ADAM12: variants seen among roughly 807,000 people sequenced by gnomAD.
The protein encoded by ADAM12 is disintegrin and metalloproteinase domain-containing protein 12.
ADAM12 carries 70 observed loss-of-function variants against 106.4 expected under a neutral mutation model. The observed-to-expected ratio is 0.66, with a 90% confidence interval of 0.54 to 0.80. The LOEUF is 0.80. Among genes scored for constraint, ADAM12 ranks in the 30% least tolerant of loss-of-function variants. The pLI, the probability that ADAM12 is intolerant of heterozygous loss-of-function variation, is 0.00. For missense variants in ADAM12, 1,010 were observed against 1,171.9 expected (o/e 0.86, Z 2.02); for synonymous variants, 420 against 433.5 (o/e 0.97, Z 0.39).
At chr10:126,337,937 A>C (rs1000303268) in intron 1 of ADAM12, among the ~76,000 whole-genome samples, 1 of 152,250 alleles carries the variant, frequency 6.6e-6, no homozygotes, top group Non-Finnish European at 1.5e-5. Context: ...AAACTTAAAA[A>C]GATCCTTTGG....
intron 3 of ADAM12, among the ~76,000 whole-genome samples, chr10:126,223,047 T>G (rs1958125622): frequency 6.6e-6 from 1 of 152,216 alleles, no homozygotes; most frequent in Non-Finnish European, 1.5e-5. Flanking sequence ...CTCTGCCAAA[T>G]CTACTGAAAA....
At chr10:126,068,252 C>T (rs1954914066) in intron 12 of ADAM12, among the ~76,000 whole-genome samples, 1 of 152,276 alleles carries the variant, frequency 6.6e-6, no homozygotes, top group African/African-American at 2.4e-5. Context: ...CAAATGCACA[C>T]CACTGCTATC....
At chr10:126,104,681 C>G (rs11818574) in intron 8 of ADAM12, among the ~76,000 whole-genome samples, 7,525 of 152,118 alleles carry the variant, frequency 0.049, 645 homozygotes, top group African/African-American at 0.17. Flanking sequence ...TTCTCAGCGT[C>G]TGGCCTAGAA....
At chr10:126,063,718 G>A (rs540076412) in intron 14 of ADAM12, among the ~76,000 whole-genome samples, 7 of 152,272 alleles carry the variant, frequency 4.6e-5, no homozygotes, top group South Asian at 4.1e-4. Flanking sequence ...ACAGGGTGGG[G>A]CCTGCACTTG....
At chr10:126,042,902 C>G in intron 18 of ADAM12, 138 bp downstream of exon 18, 1 of 739,618 alleles carries the variant, frequency 1.4e-6, no homozygotes, top group South Asian at 1.9e-5. Flanking sequence ...CTGCGGGAGA[C>G]CCTAGGCTGT....
chr10:126,377,862 C>T (rs969973132), intron 1 of ADAM12, among the ~76,000 whole-genome samples: 2 of 152,090 alleles, frequency 1.3e-5, no homozygotes, highest in Non-Finnish European at 2.9e-5. Context: ...ACATGGATCT[C>T]ATACAAGAAA....
In ADAM12 at chr10:126,134,643, T is replaced by C. The variant is rs1038100167; in HGVS notation, c.416+941A>G. On this transcript the variant is annotated intron_variant, in intron 5 of 22. Transcript: ENST00000448723. ...CATTCTCTGCTGGCTGGAGTAGAAGTGAGGGCAGCAAAGAATAAACTGGTA... is the reference window on the plus strand; with the variant it reads ...CATTCTCTGCTGGCTGGAGTAGAAGCGAGGGCAGCAAAGAATAAACTGGTA... Among the ~76,000 whole-genome samples the C allele has an allele frequency of 2.6e-5, 4 of 152,198 alleles. No homozygotes were observed. The East Asian group carries it at 7.7e-4, about 29-fold the overall frequency.
rs1039097673 is a variant in ADAM12 at position 126,356,355 on chromosome 10, C to T, written c.89-25846G>A. Among the ~76,000 whole-genome samples, 2 of 152,184 alleles carry T rather than the reference C, an allele frequency of 1.3e-5. 1 individual carries two copies. The highest frequency in any genetic ancestry group is 1.3e-4 in the Admixed American group (2 of 15,280). ...CTAGTGCTCTCACCTGACACCTGAGCCCAGCTAGCTTAGCTCTACCAGAAC... is the reference window on the plus strand; with the variant it reads ...CTAGTGCTCTCACCTGACACCTGAGTCCAGCTAGCTTAGCTCTACCAGAAC... On this transcript the variant is annotated intron_variant, in intron 1 of 22. Transcript: ENST00000448723.
At chr10:126,321,585 G>A (rs1854095523) in intron 2 of ADAM12, among the ~76,000 whole-genome samples, 1 of 152,098 alleles carries the variant, frequency 6.6e-6, no homozygotes, top group Non-Finnish European at 1.5e-5. Flanking sequence ...CAAAAAGGAG[G>A]AGTGAACAGG....
intron 4 of ADAM12, among the ~76,000 whole-genome samples, chr10:126,154,285 T>G (rs1956776525): frequency 6.6e-6 from 1 of 152,210 alleles, no homozygotes; most frequent in Non-Finnish European, 1.5e-5. Context: ...GACCAGGCAT[T>G]AGCAAAAATT....
chr10:126,321,252 C>G (rs1854085046), intron 2 of ADAM12, among the ~76,000 whole-genome samples: 1 of 152,094 alleles, frequency 6.6e-6, no homozygotes, highest in East Asian at 1.9e-4. Flanking sequence ...GAAGGTAAAT[C>G]ATGATATCTC....
In ADAM12 at chr10:126,388,341, C is replaced by T. The variant is rs948936509; in HGVS notation, c.-196G>A. 217 of 811,890 alleles carry T rather than the reference C, an allele frequency of 2.7e-4. No homozygotes were observed. In the African/African-American group the frequency reaches 3.4e-3, roughly 13 times the overall value. The allele number at this position is 811,890 out of a possible 1,614,324, so 50.3% of individuals were successfully genotyped here. On this transcript the variant is annotated 5_prime_UTR_variant, in exon 1 of 23. Transcript: ENST00000448723. This position sits in a 1 kb window ranked among gnomAD's most constrained non-coding sequence, Gnocchi z 4.4. ...TTTCATTTTTAAAAAAGTTTCCCCC[C>T]GTGTGTGTGCGTGCGTGCGCGCGCG...
Position 126,302,502 on chromosome 10 carries a change from C to T in ADAM12, c.187-23514G>A, listed in dbSNP as rs183983353. Among the ~76,000 whole-genome samples the T allele has an allele frequency of 1.5e-3, 231 of 152,204 alleles. 1 individual carries two copies. The highest frequency in any genetic ancestry group is 5.4e-3 in the African/African-American group (224 of 41,526). ...TGACGAGAAGAAAGAAAGAAGAACA[C>T]AGATAGATGGGAAGATTTCACCCCT... On this transcript the variant is annotated intron_variant, in intron 2 of 22. Coordinates refer to ENST00000448723, the MANE Select transcript of ADAM12 (RefSeq NM_001288973.2).
intron 2 of ADAM12, among the ~76,000 whole-genome samples, chr10:126,320,791 T>C (rs1854067506): frequency 6.6e-6 from 1 of 152,184 alleles, no homozygotes; most frequent in African/African-American, 2.4e-5. Context: ...CTCTCTCTTA[T>C]TAAAAAATGT....
chr10:126,338,454 G>A (rs977481682), intron 1 of ADAM12, among the ~76,000 whole-genome samples: 5 of 151,376 alleles, frequency 3.3e-5, no homozygotes, highest in African/African-American at 7.3e-5. Flanking sequence ...GGGTTTCACC[G>A]TTTTAGCCGG....
chr10:126,112,083 C>T (rs971305035), intron 6 of ADAM12, among the ~76,000 whole-genome samples: 16 of 152,244 alleles, frequency 1.1e-4, no homozygotes, highest in South Asian at 8.3e-4. Flanking sequence ...GGAATGAGAT[C>T]GTGTCCTTTG....
At chr10:126,148,702 GT>G (rs1956673981) in intron 4 of ADAM12, among the ~76,000 whole-genome samples, 1 of 152,186 alleles carries the variant, frequency 6.6e-6, no homozygotes, top group Non-Finnish European at 1.5e-5. Context: ...GATCCACAGA[GT>G]CAGATGAAGA....
chr10:126,265,843 T>C (rs1959086704), intron 3 of ADAM12, among the ~76,000 whole-genome samples: 1 of 152,078 alleles, frequency 6.6e-6, no homozygotes, highest in African/African-American at 2.4e-5. Context: ...ACATACAACG[T>C]GGGGACTGTG....
chr10:126,269,407 A>G (rs922390299), intron 3 of ADAM12, among the ~76,000 whole-genome samples: 7 of 152,184 alleles, frequency 4.6e-5, no homozygotes, highest in Admixed American at 6.5e-5. Context: ...AAAACTTTCA[A>G]GCTTTCCAGA....
Sources: allele counts gnomAD v4.1 joint callset (sites outside exome capture counted in the v4.1 genomes callset), GRCh38; gene constraint gnomAD v4.1.1; non-coding constraint Gnocchi (gnomAD v3.1); transcripts MANE v1.5; gene names NCBI Gene and HGNC (gene_info 2026-07-23, HGNC 2026-07-21).